Variants in PHACTR1 observed in about 807,000 individuals in gnomAD.
The protein encoded by PHACTR1 is RPEL repeat containing 1.
Under a neutral mutation model 69.2 loss-of-function variants are expected in PHACTR1, and 16 were observed. The observed-to-expected ratio is 0.23, with a 90% CI of 0.16 to 0.35. PHACTR1 has a LOEUF of 0.35. PHACTR1 is among the 10% of genes least tolerant of loss of function. PHACTR1 has a pLI of 1.00. For missense variants in PHACTR1, 510 were observed against 734.7 expected (o/e 0.69, Z 3.54); for synonymous variants, 312 against 284.5 (o/e 1.10, Z -0.97).
intron 4 of PHACTR1, among the ~76,000 whole-genome samples, chr6:12,885,088 A>G (rs2127460687): frequency 6.6e-6 from 1 of 152,324 alleles, no homozygotes; most frequent in Admixed American, 6.5e-5. Flanking sequence ...ACTCAGAGAC[A>G]GTGCAGAGCT....
intron 4 of PHACTR1, among the ~76,000 whole-genome samples, chr6:12,787,253 A>G (rs1293516480): frequency 2.6e-5 from 4 of 152,192 alleles, no homozygotes; most frequent in Non-Finnish European, 5.9e-5. Context: ...TAAAGTTAGA[A>G]CTTCTTATTG....
At position 13,181,514 on chromosome 6, in the gene PHACTR1, C is replaced by T. The variant is rs1463550691; in HGVS notation, c.497-1005C>T. Among the ~76,000 whole-genome samples the T allele has an allele frequency of 6.6e-5, 10 of 152,316 alleles. No homozygotes were observed. In the East Asian group the frequency reaches 1.7e-3, roughly 26 times the overall value. ...TCTAGTTATCTAAGACTCCCCTGGG[C>T]TAGGATGAAATCACACAGGGGGAAT... is the stretch of plus-strand genomic sequence containing the variant. On this transcript the variant is annotated intron_variant, in intron 6 of 14. Transcript: ENST00000332995.
chr6:13,088,612 C>T (rs1812702130), intron 5 of PHACTR1, among the ~76,000 whole-genome samples: 1 of 152,188 alleles, frequency 6.6e-6, no homozygotes, highest in African/African-American at 2.4e-5. Flanking sequence ...TTGCTCCCAA[C>T]AGCTGCTCTC....
At chr6:13,266,035 T>C (rs980571227) in intron 10 of PHACTR1, among the ~76,000 whole-genome samples, 1 of 152,172 alleles carries the variant, frequency 6.6e-6, no homozygotes, top group African/African-American at 2.4e-5. Flanking sequence ...CTCAGGAGCA[T>C]TCTGATGTAA....
intron 10 of PHACTR1, among the ~76,000 whole-genome samples, chr6:13,263,043 T>C (rs918610581): frequency 6.6e-6 from 1 of 152,212 alleles, no homozygotes; most frequent in Non-Finnish European, 1.5e-5. Flanking sequence ...GCAGCACAAC[T>C]AATCTCTGTC....
intron 8 of PHACTR1, among the ~76,000 whole-genome samples, chr6:13,218,739 A>G (rs1454686997): frequency 2.0e-5 from 3 of 151,778 alleles, no homozygotes; most frequent in Non-Finnish European, 4.4e-5. Context: ...GGATTGCTTG[A>G]GCCCAAAGGT....
At chr6:13,243,596 A>G (rs1234959926) in intron 10 of PHACTR1, among the ~76,000 whole-genome samples, 1 of 152,142 alleles carries the variant, frequency 6.6e-6, no homozygotes, top group Non-Finnish European at 1.5e-5. Context: ...TAAAAGAAAA[A>G]AAAAACCTTA....
chr6:13,050,393 T>C (rs1450029754), intron 4 of PHACTR1, among the ~76,000 whole-genome samples: 1 of 152,218 alleles, frequency 6.6e-6, no homozygotes, highest in African/African-American at 2.4e-5. Flanking sequence ...TTAATCTCCC[T>C]GAGGCCCACA....
intron 4 of PHACTR1, among the ~76,000 whole-genome samples, chr6:12,762,582 T>G (rs13217579): frequency 0.37 from 56,699 of 151,986 alleles, 11,362 homozygotes; most frequent in African/African-American, 0.5. Context: ...AAGTTCATTT[T>G]AAATATGAAG....
At chr6:13,086,378 T>G (rs1812308102) in intron 5 of PHACTR1, among the ~76,000 whole-genome samples, 1 of 152,164 alleles carries the variant, frequency 6.6e-6, no homozygotes, top group Admixed American at 6.6e-5. Flanking sequence ...TTAACCCGTT[T>G]TCATGTACAG....
chr6:13,153,038 A>G (rs1238395152), intron 5 of PHACTR1, among the ~76,000 whole-genome samples: 3 of 152,190 alleles, frequency 2.0e-5, no homozygotes, highest in Non-Finnish European at 4.4e-5. Flanking sequence ...AGCTCATTAA[A>G]GGAGGTGGTC....
intron 4 of PHACTR1, among the ~76,000 whole-genome samples, chr6:12,837,422 C>T (rs1234940247): frequency 6.7e-6 from 1 of 148,942 alleles, no homozygotes; most frequent in African/African-American, 2.5e-5. Flanking sequence ...AAAATTATTT[C>T]AAATATTATC....
chr6:12,861,324 A>T (rs1258703705), intron 4 of PHACTR1, among the ~76,000 whole-genome samples: 1 of 152,226 alleles, frequency 6.6e-6, no homozygotes, highest in Non-Finnish European at 1.5e-5. Context: ...GTGGTTTGCC[A>T]ATCTGGATAT....
At chr6:12,740,127 T>C (rs978486858) in intron 3 of PHACTR1, among the ~76,000 whole-genome samples, 1 of 152,244 alleles carries the variant, frequency 6.6e-6, no homozygotes, top group Non-Finnish European at 1.5e-5. Context: ...CGACATCATA[T>C]CTAAGAGATT....
At chr6:12,980,752 CCAAAGA>C (rs1795430482) in intron 4 of PHACTR1, among the ~76,000 whole-genome samples, 1 of 152,142 alleles carries the variant, frequency 6.6e-6, no homozygotes, top group African/African-American at 2.4e-5. Flanking sequence ...CTGGTGCAGA[CCAAAGA>C]CAAAGACAGC....
chr6:12,718,888 C>T (rs934593000), intron 3 of PHACTR1, 41 bp downstream of exon 3: 18 of 1,309,750 alleles, frequency 1.4e-5, no homozygotes, highest in Admixed American at 6.5e-5. Context: ...ATTTGCACGT[C>T]GGTTTTATAT....
intron 8 of PHACTR1, among the ~76,000 whole-genome samples, chr6:13,218,887 AGAAGAGAAGAGAAGAGAAGAGAAG>A (rs1768151605): frequency 9.8e-6 from 1 of 102,118 alleles, no homozygotes; most frequent in Admixed American, 9.0e-5. Context: ...AGAAGAGAAG[AGAAGAGAAGAGAAGAGAAGAGAAG>A]AGAAAAGGTA....
At chr6:13,125,258 A>G (rs1023903710) in intron 5 of PHACTR1, among the ~76,000 whole-genome samples, 1 of 152,210 alleles carries the variant, frequency 6.6e-6, no homozygotes, top group Non-Finnish European at 1.5e-5. Flanking sequence ...GCAGTCTTAG[A>G]TGGTTTTAGA....
intron 4 of PHACTR1, among the ~76,000 whole-genome samples, chr6:12,966,408 A>C (rs1317495279): frequency 6.6e-6 from 1 of 152,250 alleles, no homozygotes; most frequent in Admixed American, 6.5e-5. Context: ...CATCCTGCTG[A>C]TAAAGCACAG....
Sources: allele counts gnomAD v4.1 joint callset (sites outside exome capture counted in the v4.1 genomes callset), GRCh38; gene constraint gnomAD v4.1.1; transcripts MANE v1.5; gene names NCBI Gene and HGNC (gene_info 2026-07-23, HGNC 2026-07-21).